The following PCNX1 variants were observed in gnomAD, a reference collection of about 807,000 sequenced individuals.
PCNX1 encodes the protein pecanex 1, also known as pecanex-like protein 1.
PCNX1 carries 78 observed loss-of-function variants against 242.2 expected under a neutral mutation model. The ratio of observed to expected loss-of-function variants is 0.32; its 90% CI spans 0.27 to 0.39. The LOEUF (loss-of-function observed/expected upper bound fraction) is 0.39, where lower values mean the gene tolerates loss of function less well. PCNX1 is among the 10% of genes least tolerant of loss of function. The pLI is 1.00. For synonymous variants in PCNX1, 1,024 were observed against 1,032.9 expected (o/e 0.99, Z 0.17); for missense variants, 2,581 against 2,856.5 (o/e 0.90, Z 2.20).
Position 71,113,062 on chromosome 14 carries a change from G to A in PCNX1, c.*3127G>A, listed in dbSNP as rs1049175875. On this transcript the variant is annotated 3_prime_UTR_variant, in exon 36 of 36. Transcript: ENST00000304743. ...ACTTTAATGTTGACTTTTTGCTAAA[G>A]AACTTTAATTTTTCCAAGAATCTAG... 6.6e-6 allele frequency: 1 copy of A among 152,052 alleles called. No individual in the cohort carries two copies. Among genetic ancestry groups the A allele is most frequent in the African/African-American group, 2.4e-5 (1 of 41,400 alleles). The allele number at this position is 152,052 out of a possible 1,614,324, so 9.4% of individuals were successfully genotyped here.
At position 70,977,624 on chromosome 14, in the gene PCNX1, G is replaced by C; in HGVS notation, c.1287G>C (p.Arg429Ser). 1.2e-6 allele frequency: 2 copies of C among 1,614,178 alleles called. No homozygotes were observed. The highest frequency in any genetic ancestry group is 1.7e-6 in the Non-Finnish European group (2 of 1,180,024). The stretch of plus-strand genomic sequence containing the variant: ...CTAAAGCAGGAACAAAAAGTGGGAG[G>C]AAGAAAGAGTGCTGTGCAGGCCCAG... ...ESPKAGTKSG[R>S]KKECCAGPEE... The change falls in exon 6 of 36, where the codon AGG becomes AGC. Residue 429 changes from arginine (R) to serine (S), a missense_variant. By Grantham distance (110) the Arg-to-Ser change is moderately radical (BLOSUM62 -1). This residue lies in a region of PCNX1 where 1,204 missense variants were observed against 1,216.7 expected (regional missense o/e 0.99). Transcript: ENST00000304743.
chr14:71,070,104 G>T (rs1011661263), intron 26 of PCNX1, among the ~76,000 whole-genome samples: 11 of 152,140 alleles, frequency 7.2e-5, no homozygotes, highest in Middle Eastern at 3.2e-3. Context: ...TCAAGAAACT[G>T]CTTTCTTCTC....
chr14:71,031,065 T>C (rs1304155059), intron 16 of PCNX1, among the ~76,000 whole-genome samples: 1 of 152,230 alleles, frequency 6.6e-6, no homozygotes, highest in Non-Finnish European at 1.5e-5. Context: ...AAGACTTTTT[T>C]CTTAGCCAGA....
intron 1 of PCNX1, among the ~76,000 whole-genome samples, chr14:70,912,060 C>G (rs2055937361): frequency 6.6e-6 from 1 of 151,864 alleles, no homozygotes; most frequent in African/African-American, 2.4e-5. Flanking sequence ...ACGGTGAAAC[C>G]CCGTCTCTAC....
At chr14:71,081,752 TC>T (rs2061859893) in intron 28 of PCNX1, among the ~76,000 whole-genome samples, 1 of 152,206 alleles carries the variant, frequency 6.6e-6, no homozygotes, top group Non-Finnish European at 1.5e-5. Flanking sequence ...GATTCTTCTC[TC>T]TTTTCTTCTT....
chr14:70,964,591 A>G (rs1202794009), intron 3 of PCNX1, among the ~76,000 whole-genome samples: 1 of 152,198 alleles, frequency 6.6e-6, no homozygotes, highest in Non-Finnish European at 1.5e-5. Context: ...GAGTAAGCCT[A>G]CATTTCTCCA....
At chr14:71,013,821 G>C (rs2140604111) in intron 11 of PCNX1, among the ~76,000 whole-genome samples, 1 of 152,308 alleles carries the variant, frequency 6.6e-6, no homozygotes, top group East Asian at 1.9e-4. Context: ...TGCAAGACAG[G>C]GAGGGAGAAC....
At chr14:70,979,253 A>C (rs2058768055) in intron 6 of PCNX1, among the ~76,000 whole-genome samples, 1 of 152,050 alleles carries the variant, frequency 6.6e-6, no homozygotes, top group African/African-American at 2.4e-5. Context: ...TTAAATTCAG[A>C]TTTGTAGTTT....
intron 15 of PCNX1, among the ~76,000 whole-genome samples, chr14:71,027,647 A>T (rs1291442025): frequency 6.6e-6 from 1 of 151,938 alleles, no homozygotes; most frequent in Non-Finnish European, 1.5e-5. Flanking sequence ...TTATTTTCCA[A>T]GCATATGCAT....
Position 70,907,825 on chromosome 14 carries a change from G to A in PCNX1, c.-26G>A. 8.0e-7 allele frequency: 1 copy of A among 1,253,908 alleles called. No individual in the cohort carries two copies. 77.7% of individuals were successfully genotyped at this position (1,253,908 alleles called of 1,614,324 possible). A position where few individuals can be genotyped will look rare whatever the true frequency, so the allele number is the denominator to read the frequency against. ...GGGCGGGGACGGCGGCGGCGGCGGC[G>A]GCGACGGCGGCGGCGCCGGGTGGGG... On this transcript the variant is annotated 5_prime_UTR_variant, in exon 1 of 36. Coordinates refer to ENST00000304743, the MANE Select transcript of PCNX1 (RefSeq NM_014982.3).
At chr14:71,017,201 C>T (rs747295781) in intron 11 of PCNX1, among the ~76,000 whole-genome samples, 1 of 152,162 alleles carries the variant, frequency 6.6e-6, no homozygotes, top group Non-Finnish European at 1.5e-5. Context: ...CCTTAATTGT[C>T]TTACATCTAT....
intron 26 of PCNX1, among the ~76,000 whole-genome samples, chr14:71,067,641 C>G (rs2061482033): frequency 6.6e-6 from 1 of 152,066 alleles, no homozygotes; most frequent in African/African-American, 2.4e-5. Flanking sequence ...TTCTTGTCTT[C>G]TGCTACCTTT....
intron 8 of PCNX1, among the ~76,000 whole-genome samples, chr14:70,997,008 A>G (rs1442437213): frequency 1.3e-5 from 2 of 152,186 alleles, no homozygotes; most frequent in Non-Finnish European, 2.9e-5. Context: ...TATTTATAAC[A>G]TTAGAATGTA....
intron 6 of PCNX1, among the ~76,000 whole-genome samples, chr14:70,981,524 T>C (rs1279218922): frequency 6.6e-6 from 1 of 152,190 alleles, no homozygotes; most frequent in East Asian, 1.9e-4. Flanking sequence ...AGTGATTGTT[T>C]TCATACGTCC....
At chr14:71,099,768 C>T (rs976222504) in intron 30 of PCNX1, among the ~76,000 whole-genome samples, 2 of 152,136 alleles carry the variant, frequency 1.3e-5, no homozygotes, top group African/African-American at 2.4e-5. Context: ...ATGTTGGGTG[C>T]ATATATATGT....
rs1168108709 is a variant in PCNX1 at position 71,099,542 on chromosome 14, A to G, written c.5590-2448A>G. On this transcript the variant is annotated intron_variant, in intron 30 of 35. Transcript: ENST00000304743. The stretch of plus-strand genomic sequence containing the variant: ...GGGTATGTTCTGTGTGCAGATAAAA[A>G]TAATGTATAGTCTGTGGTTGATGGG... Among the ~76,000 whole-genome samples the G allele has an allele frequency of 2.0e-5, 3 of 152,058 alleles. No homozygotes were observed. In the East Asian group the frequency reaches 5.8e-4, roughly 29 times the overall value.
At position 70,971,115 on chromosome 14, in the gene PCNX1, G is replaced by GTTTTTTTTTTT. The variant is rs1046870052; in HGVS notation, c.604+2035_604+2045dup. On this transcript the variant is annotated intron_variant, in intron 5 of 35. Transcript: ENST00000304743. ...AATCTATGCTATACTACTTTATATAGTTTTTTTTTTTTTTTTTTTTTTTTT... is the reference window on the plus strand; with the variant it reads ...AATCTATGCTATACTACTTTATATAGTTTTTTTTTTTTTTTTTTTTTTTTTTTTTTTTTTTT... 4.8e-4 allele frequency among the ~76,000 whole-genome samples: 7 copies of GTTTTTTTTTTT among 14,518 alleles called. 3 individuals carry two copies. Among genetic ancestry groups the GTTTTTTTTTTT allele is most frequent in the Admixed American group, 3.1e-3 (3 of 964 alleles). 9.5% of individuals were successfully genotyped at this position (14,518 alleles called of 152,430 possible).
In PCNX1 at chr14:71,055,488, G is replaced by T. The variant is rs1212736124; in HGVS notation, c.4578-16G>T. 4.5e-6 allele frequency: 7 copies of T among 1,539,654 alleles called. No homozygotes were observed. The highest frequency in any genetic ancestry group is 6.3e-6 in the Non-Finnish European group (7 of 1,117,368). On this transcript the variant is annotated splice_polypyrimidine_tract_variant and intron_variant, in intron 24 of 35. Coordinates refer to ENST00000304743, the MANE Select transcript of PCNX1 (RefSeq NM_014982.3). ...TAATGTAAAGAAAGTTACTAAAAAT[G>T]TTTTATTTTCTTTAGCACAAAACGA...
intron 1 of PCNX1, among the ~76,000 whole-genome samples, chr14:70,938,165 A>G (rs1376545540): frequency 3.9e-5 from 6 of 152,104 alleles, no homozygotes; most frequent in Admixed American, 6.5e-5. Flanking sequence ...TTCCAACACT[A>G]TGTTGAATAG....
Sources: allele counts gnomAD v4.1 joint callset (sites outside exome capture counted in the v4.1 genomes callset), GRCh38; gene constraint gnomAD v4.1.1; regional missense constraint gnomAD v4.1.1; transcripts MANE v1.5; gene names NCBI Gene and HGNC (gene_info 2026-07-23, HGNC 2026-07-21).